The following POLG variants were observed in gnomAD, a reference collection of about 807,000 sequenced individuals.
POLG encodes the protein DNA polymerase gamma, catalytic subunit.
Under a neutral mutation model 155.4 loss-of-function variants are expected in POLG, and 110 were observed. That is an observed-to-expected ratio of 0.71 (90% confidence interval 0.61 to 0.83). POLG has a LOEUF of 0.83. Among genes scored for constraint, POLG ranks in the 40% least tolerant of loss-of-function variants. The pLI, the probability that POLG is intolerant of heterozygous loss-of-function variation, is 0.00. For missense variants in POLG, 1,685 were observed against 1,627.5 expected (o/e 1.04, Z -0.61); for synonymous variants, 701 against 631.5 (o/e 1.11, Z -1.65).
rs750613708 is a variant in POLG, at chr15:89,321,218, G to A, written c.2641C>T (p.Pro881Ser). The change falls in exon 17 of 23, where the codon CCA becomes TCA. Residue 881 changes from proline to serine, a missense_variant. Pro to Ser is a moderately conservative substitution (Grantham distance 74). Transcript: ENST00000268124. ...GSELKAMVQA[P>S]PGYTLVGADV... ...GCACCCACAAGGGTGTAGCCAGGTG[G>A]GGCCTGCACCATGGCTTTCAACTCA... The A allele has an allele frequency of 1.2e-5, 20 of 1,614,134 alleles. No homozygotes were observed. In the South Asian group the frequency reaches 2.1e-4, roughly 17 times the overall value.
chr15:89,327,929 C>T (rs999543761), intron 6 of POLG, among the ~76,000 whole-genome samples: 17 of 152,210 alleles, frequency 1.1e-4, no homozygotes, highest in African/African-American at 4.1e-4. Context: ...TTTCTTTTAT[C>T]TAGCTTACTT....
intron 14 of POLG, 88 bp downstream of exon 14, chr15:89,322,654 C>T: frequency 7.0e-7 from 1 of 1,428,818 alleles, no homozygotes. Flanking sequence ...GTCAGGCTGG[C>T]CCTCTGTGGG....
At position 89,318,568 on chromosome 15, in the gene POLG, G is replaced by A; in HGVS notation, c.3455C>T (p.Ala1152Val). ...REEDRYRAAL[A>V]LQITNLLTRC... ...GGTCAAGAGGTTGGTGATCTGCAAGGCCAGGGCAGCGCGGTAGCGGTCCTC... is the reference window on the plus strand; with the variant it reads ...GGTCAAGAGGTTGGTGATCTGCAAGACCAGGGCAGCGCGGTAGCGGTCCTC... The change falls in exon 21 of 23, where the codon GCC (alanine) becomes GTC (valine). Residue 1152 changes from alanine to valine, a missense_variant. Transcript: ENST00000268124. 6.2e-7 allele frequency: 1 copy of A among 1,613,764 alleles called. No homozygotes were observed. Among genetic ancestry groups the A allele is most frequent in the South Asian group, 1.1e-5 (1 of 91,062 alleles).
In POLG at chr15:89,318,714, G is replaced by C. The variant is rs755526083; in HGVS notation, c.3309C>G (p.Ser1103Arg). ...MTSRVNWVVQ[S>R]SAVDYLHLML... ...TGAGGTGTAAGTAGTCAACAGCAGAGCTCTGTACCACCCAATTCACACGGC... is the reference window on the plus strand; with the variant it reads ...TGAGGTGTAAGTAGTCAACAGCAGACCTCTGTACCACCCAATTCACACGGC... The change falls in exon 21 of 23, where the codon AGC becomes AGG. Residue 1103 changes from serine to arginine, a missense_variant. Coordinates refer to ENST00000268124, the MANE Select transcript of POLG (RefSeq NM_002693.3). The C allele has an allele frequency of 6.2e-7, 1 of 1,614,182 alleles. No homozygotes were observed.
intron 21 of POLG, 24 bp from the exon 22 acceptor site, chr15:89,317,560 C>G: frequency 6.2e-7 from 1 of 1,611,248 alleles, no homozygotes; most frequent in Non-Finnish European, 8.5e-7. Flanking sequence ...AATCTACTCT[C>G]ACAGTCATGC....
rs759459033 is a variant in POLG, at chr15:89,318,501, G to C, written c.3482+40C>G. 3.8e-6 allele frequency: 6 copies of C among 1,569,858 alleles called. No homozygotes were observed. The South Asian group carries it at 4.4e-5, about 12-fold the overall frequency. On this transcript the variant is annotated intron_variant, in intron 21 of 22. Transcript: ENST00000268124. ...GAACGCTCACCCAAAGCCCCACATAGGAGCACATGGCCAGGCTAGAGGCCA... is the reference window on the plus strand; with the variant it reads ...GAACGCTCACCCAAAGCCCCACATACGAGCACATGGCCAGGCTAGAGGCCA...
At position 89,325,544 on chromosome 15, in the gene POLG, C is replaced by T; in HGVS notation, c.1855G>A (p.Gly619Ser). 1 of 1,613,424 alleles carries T rather than the reference C, an allele frequency of 6.2e-7. No individual in the cohort carries two copies. The highest frequency in any genetic ancestry group is 8.5e-7 in the Non-Finnish European group (1 of 1,180,028). The change falls in exon 10 of 23, where the codon GGC (glycine) becomes AGC (serine). Residue 619 changes from glycine to serine, a missense_variant. Gly to Ser is a moderately conservative substitution (Grantham distance 56, BLOSUM62 0). This residue lies in a region of POLG where 1,210 missense variants were observed against 1,167.1 expected (regional missense o/e 1.04). Transcript: ENST00000268124. ...GFPLHYSERHGWGYLVPGRRD... is the reference protein window; with the variant it reads ...GFPLHYSERHSWGYLVPGRRD... Reference sequence around the variant, plus strand: ...CGCCCAGGCACCAAGTAGCCCCAGCCATGACGCTCTGAGTAGTGCAGAGGG... The same window carrying T: ...CGCCCAGGCACCAAGTAGCCCCAGCTATGACGCTCTGAGTAGTGCAGAGGG...
rs1038793515 is a variant in POLG, at chr15:89,334,782, C to A, written c.-269G>T. On this transcript the variant is annotated 5_prime_UTR_variant, in exon 1 of 23. Coordinates refer to ENST00000268124, the MANE Select transcript of POLG (RefSeq NM_002693.3). ...GCCTCGGGGTAGCGTGTGGCCTCCA[C>A]CCGGCCGGTCCGCTTCGCTGGCAGC... 6.6e-6 allele frequency: 1 copy of A among 152,348 alleles called. No homozygotes were observed. The highest frequency in any genetic ancestry group is 1.5e-5 in the Non-Finnish European group (1 of 68,110). 9.4% of individuals were successfully genotyped at this position (152,348 alleles called of 1,614,324 possible). A position where few individuals can be genotyped will look rare whatever the true frequency, so the allele number is the denominator to read the frequency against.
rs1393973718 is a variant in POLG, at chr15:89,321,009, C to G, written c.2738G>C (p.Cys913Ser). 6.2e-7 allele frequency: 1 copy of G among 1,614,108 alleles called. No homozygotes were observed. Among genetic ancestry groups the G allele is most frequent in the Non-Finnish European group, 8.5e-7 (1 of 1,180,034 alleles). The change falls in exon 18 of 23, where the codon TGC (cysteine) becomes TCC (serine). Residue 913 changes from cysteine (C) to serine (S), a missense_variant. Coordinates refer to ENST00000268124, the MANE Select transcript of POLG (RefSeq NM_002693.3). Reference sequence around the variant, plus strand: ...CAGTGTCATCCACCCAAAGGCTGTGCAGCCTGGAAGACAAGCAGGAGTGAG... The same window carrying G: ...CAGTGTCATCCACCCAAAGGCTGTGGAGCCTGGAAGACAAGCAGGAGTGAG... ...GDAHFAGMHG[C>S]TAFGWMTLQG...
intron 22 of POLG, 128 bp from the exon 23 acceptor site, chr15:89,316,955 G>GGTAATGTTACATGTTA (rs2055288687): frequency 4.0e-6 from 3 of 745,868 alleles, no homozygotes; most frequent in Non-Finnish European, 7.3e-6. Flanking sequence ...TGCCACGAAC[G>GGTAATGTTACATGTTA]GTAATGTTAC....
Position 89,333,096 on chromosome 15 carries a change from C to G in POLG, c.659G>C (p.Trp220Ser), listed in dbSNP as rs1004988362. The change falls in exon 2 of 23, where the codon TGG (tryptophan) becomes TCG (serine). Residue 220 changes from tryptophan to serine, a missense_variant and splice_region_variant. Trp to Ser is a radical substitution (Grantham distance 177, BLOSUM62 -3). Around this residue, in one of 3 missense-constraint regions of POLG, gnomAD observed 1,210 missense variants for 1,167.1 expected, o/e 1.04. Transcript: ENST00000268124. ...TLAVAISPSA[W>S]YSWCSQRLVE... ...TGTCCCCAACCCTGCCCCTACTTAC[C>G]AGGCCGAGGGGGATATGGCCACCGC... is the stretch of plus-strand genomic sequence containing the variant. 1 of 1,511,802 alleles carries G rather than the reference C, an allele frequency of 6.6e-7. No individual in the cohort carries two copies. The highest frequency in any genetic ancestry group is 2.3e-5 in the Admixed American group (1 of 44,302). 93.6% of individuals were successfully genotyped at this position (1,511,802 alleles called of 1,614,324 possible). A position where few individuals can be genotyped will look rare whatever the true frequency, so the allele number is the denominator to read the frequency against.
At position 89,322,605 on chromosome 15, in the gene POLG, T is replaced by C. The variant is rs140059023; in HGVS notation, c.2426+137A>G. The C allele has an allele frequency of 2.6e-3, 2,263 of 884,306 alleles. 32 individuals are homozygous for C. The African/African-American group carries it at 0.03, about 12-fold the overall frequency. 54.8% of individuals were successfully genotyped at this position (884,306 alleles called of 1,614,324 possible). A position where few individuals can be genotyped will look rare whatever the true frequency, so the allele number is the denominator to read the frequency against. On this transcript the variant is annotated intron_variant, in intron 14 of 22. Transcript: ENST00000268124. ...AGAGGGGAGACCTGCCCAAGGTCCA[T>C]GGCACCAGGACCAAAAGTAGCCAGG...
intron 22 of POLG, 174 bp downstream of exon 22, chr15:89,317,199 AAAC>A: frequency 1.6e-6 from 1 of 640,770 alleles, no homozygotes; most frequent in South Asian, 1.9e-5. Context: ...TTCATTTCTG[AAAC>A]ATCATATCAC....
Position 89,329,116 on chromosome 15 carries a change from G to C in POLG, c.856-6C>G. 6.2e-7 allele frequency: 1 copy of C among 1,609,036 alleles called. No homozygotes were observed. The highest frequency in any genetic ancestry group is 8.5e-7 in the Non-Finnish European group (1 of 1,179,356). Reference sequence around the variant, plus strand: ...AGGAAACGCATGCGGGAACCCTGAGGAGGAGGAGGAGAAAAGGGAAGGGAA... The same window carrying C: ...AGGAAACGCATGCGGGAACCCTGAGCAGGAGGAGGAGAAAAGGGAAGGGAA... On this transcript the variant is annotated splice_polypyrimidine_tract_variant and splice_region_variant and intron_variant, in intron 3 of 22. Transcript: ENST00000268124.
rs775260762 is a variant in POLG, at chr15:89,320,764, A to C, written c.2981+2T>G. The C allele has an allele frequency of 4.3e-6, 7 of 1,612,742 alleles. No homozygotes were observed. Among genetic ancestry groups the C allele is most frequent in the Non-Finnish European group, 5.9e-6 (7 of 1,179,972 alleles). On this transcript the variant is annotated splice_donor_variant, in intron 18 of 22. Coordinates refer to ENST00000268124, the MANE Select transcript of POLG (RefSeq NM_002693.3). LOFTEE classifies it high-confidence loss of function. ...TAAAGTGGATGGGAGAGGGACCCTC[A>C]CCAGCGGAGGCCCTTGGTGGCAGCG... is the stretch of plus-strand genomic sequence containing the variant.
chr15:89,325,115 T>TGAGTGAGAGAGTGAGA (rs2055471519), intron 10 of POLG, among the ~76,000 whole-genome samples: 6 of 29,262 alleles, frequency 2.1e-4, no homozygotes, highest in Admixed American at 3.4e-4. Flanking sequence ...TGAGAGAGAG[T>TGAGTGAGAGAGTGAGA]GAGTGAGTGA....
chr15:89,319,480 T>A (rs1226932630), intron 18 of POLG, 130 bp from the exon 19 acceptor site: 2 of 1,285,638 alleles, frequency 1.6e-6, no homozygotes, highest in Non-Finnish European at 2.2e-6. Context: ...CCTAAAGGCT[T>A]TTATTCAGAG....
At chr15:89,324,390 G>C in intron 10 of POLG, 163 bp from the exon 11 acceptor site, 1 of 810,162 alleles carries the variant, frequency 1.2e-6, no homozygotes, top group East Asian at 2.7e-5. Flanking sequence ...GGGATTGATT[G>C]ACAAACTGAA....
intron 8 of POLG, 55 bp from the exon 9 acceptor site, chr15:89,326,793 C>G: frequency 6.2e-7 from 1 of 1,612,770 alleles, no homozygotes; most frequent in South Asian, 1.1e-5. Flanking sequence ...TCAATAAGAT[C>G]TGCTCCCACC....
Sources: gnomAD v4.1 joint callset for allele counts (sites outside exome capture counted in the v4.1 genomes callset) on GRCh38, gnomAD v4.1.1 for gene constraint, gnomAD v4.1.1 regional missense constraint, MANE v1.5 for transcripts, NCBI Gene and HGNC (gene_info 2026-07-23, HGNC 2026-07-21) for gene names.